The following SYTL3 variants were observed in gnomAD, a reference collection of about 807,000 sequenced individuals.
SYTL3 encodes synaptotagmin like 3.
A neutral mutation model predicts 82.1 loss-of-function variants in SYTL3; 88 were observed. That is an observed-to-expected ratio of 1.07 (90% CI 0.90 to 1.28). The LOEUF (loss-of-function observed/expected upper bound fraction) is 1.28, where lower values mean the gene tolerates loss of function less well. Ranked by LOEUF, SYTL3 falls within the 50% of genes most tolerant of loss-of-function variation. The probability of loss-of-function intolerance (pLI) is 0.00; values close to 1 mark genes in which losing one functional copy is unlikely to be tolerated. For synonymous variants in SYTL3, 311 were observed against 289.4 expected (o/e 1.07, Z -0.76); for missense variants, 831 against 757.6 (o/e 1.10, Z -1.14).
chr6:158,704,277 G>A (rs968918105), intron 6 of SYTL3, among the ~76,000 whole-genome samples: 31 of 152,264 alleles, frequency 2.0e-4, no homozygotes, highest in African/African-American at 7.5e-4. Flanking sequence ...GAATTGAGCA[G>A]CTGTGACGGG....
chr6:158,689,161 A>G (rs552338090), intron 6 of SYTL3, among the ~76,000 whole-genome samples: 30 of 152,372 alleles, frequency 2.0e-4, no homozygotes, highest in African/African-American at 7.0e-4. Context: ...AATGCAAAGA[A>G]TATCCTTGTA....
chr6:158,761,372 G>C (rs1789922482), intron 15 of SYTL3, among the ~76,000 whole-genome samples: 1 of 138,832 alleles, frequency 7.2e-6, no homozygotes, highest in Non-Finnish European at 1.5e-5. Context: ...GCCCGATCTT[G>C]GCTCACTGCA....
rs1642178136 is a variant in SYTL3 at position 158,748,701 on chromosome 6, C to T, written c.1034+3043C>T. 5.3e-5 allele frequency among the ~76,000 whole-genome samples: 8 copies of T among 151,256 alleles called. No individual in the cohort carries two copies. The South Asian group carries it at 1.7e-3, about 32-fold the overall frequency. On this transcript the variant is annotated intron_variant, in intron 12 of 17. Transcript: ENST00000611299. Reference sequence around the variant, plus strand: ...CTTTACTAAAAATACAAAAATTAGCCGGGCATGGTGGCAGGCACCTGTAAT... The same window carrying T: ...CTTTACTAAAAATACAAAAATTAGCTGGGCATGGTGGCAGGCACCTGTAAT...
chr6:158,733,958 C>A (rs752574038), intron 11 of SYTL3, among the ~76,000 whole-genome samples: 1 of 151,638 alleles, frequency 6.6e-6, no homozygotes, highest in Non-Finnish European at 1.5e-5. Context: ...ATTAGCCAGG[C>A]GTGATGGCGG....
intron 9 of SYTL3, among the ~76,000 whole-genome samples, chr6:158,715,046 C>T (rs1783195074): frequency 6.6e-6 from 1 of 152,176 alleles, no homozygotes; most frequent in Non-Finnish European, 1.5e-5. Context: ...CTGCTGGGCT[C>T]TCTGACAGTA....
At chr6:158,704,736 A>C (rs1781792573) in intron 6 of SYTL3, among the ~76,000 whole-genome samples, 2 of 152,402 alleles carry the variant, frequency 1.3e-5, no homozygotes, top group South Asian at 4.1e-4. Context: ...TGGTAGTGTG[A>C]TAGCCTCAGA....
upstream of SYTL3, among the ~76,000 whole-genome samples, chr6:158,647,594 T>C (rs957749914): frequency 2.0e-5 from 3 of 152,384 alleles, no homozygotes; most frequent in Admixed American, 6.5e-5. Flanking sequence ...TCTGCCCAAC[T>C]GATGTAGTCT....
intron 5 of SYTL3, among the ~76,000 whole-genome samples, chr6:158,682,017 A>G (rs1562370181): frequency 2.0e-5 from 3 of 152,148 alleles, no homozygotes; most frequent in Non-Finnish European, 2.9e-5. Context: ...GCTCACTGCA[A>G]CTTCCGTCTC....
intron 11 of SYTL3, among the ~76,000 whole-genome samples, chr6:158,734,094 CAAAAAAAA>C (rs560547617): frequency 1.3e-5 from 1 of 74,544 alleles, no homozygotes; most frequent in Non-Finnish European, 2.5e-5. Flanking sequence ...GACCCTGTCT[CAAAAAAAA>C]AAAAAAAAAA....
At chr6:158,666,165 AGTGCT>A (rs1790028662) in intron 5 of SYTL3, among the ~76,000 whole-genome samples, 1 of 152,214 alleles carries the variant, frequency 6.6e-6, no homozygotes, top group African/African-American at 2.4e-5. Flanking sequence ...CTCTTAACTA[AGTGCT>A]GTCATTTTCT....
intron 6 of SYTL3, among the ~76,000 whole-genome samples, chr6:158,694,239 C>G (rs1003794059): frequency 2.0e-5 from 3 of 151,982 alleles, no homozygotes; most frequent in Non-Finnish European, 4.4e-5. Context: ...AAATTTTTTG[C>G]TTTCTCCCTG....
rs1451095160 is a variant in SYTL3 at position 158,740,515 on chromosome 6, GT to G, written c.856-4960del. On this transcript the variant is annotated intron_variant, in intron 11 of 17. Coordinates refer to ENST00000611299, the MANE Select transcript of SYTL3 (RefSeq NM_001242394.2). ...TTTTATTGTGCATTTTTTCCTCTTT[GT>G]TTTTGGTCACTTACTCTTGGATCTT... Among the ~76,000 whole-genome samples, 7 of 151,892 alleles carry G rather than the reference GT, an allele frequency of 4.6e-5. No individual in the cohort carries two copies. The South Asian group carries it at 6.2e-4, about 14-fold the overall frequency.
At chr6:158,710,023 C>T (rs749189497) in intron 8 of SYTL3, among the ~76,000 whole-genome samples, 5 of 152,102 alleles carry the variant, frequency 3.3e-5, no homozygotes, top group South Asian at 2.1e-4. Context: ...CAACAGAGCG[C>T]GACTGTCTCT....
intron 5 of SYTL3, among the ~76,000 whole-genome samples, chr6:158,667,178 G>A (rs1001934048): frequency 6.6e-6 from 1 of 152,106 alleles, no homozygotes; most frequent in Non-Finnish European, 1.5e-5. Context: ...AACTGTAAAC[G>A]AAAAATCAAA....
rs1333738712 is a variant in SYTL3, at chr6:158,738,108, G to A, written c.856-7372G>A. On this transcript the variant is annotated intron_variant, in intron 11 of 17. Transcript: ENST00000611299. ...ACACCAACAGCTGCACACCCAAGGA[G>A]CAAAGTGCATGGCAGGGCAGCCCTA... Among the ~76,000 whole-genome samples the A allele has an allele frequency of 3.3e-5, 5 of 152,186 alleles. No individual in the cohort carries two copies. In the East Asian group the frequency reaches 7.7e-4, roughly 23 times the overall value.
rs1789270654 is a variant in SYTL3 at position 158,757,385 on chromosome 6, A to G, written c.1308+4A>G. The G allele has an allele frequency of 6.2e-7, 1 of 1,613,720 alleles. No individual in the cohort carries two copies. ...CTGGCATCCGCTCCGGGCCAAGGTGATGTCTGGTTTTGGACTGAGTGCCCT... is the reference window on the plus strand; with the variant it reads ...CTGGCATCCGCTCCGGGCCAAGGTGGTGTCTGGTTTTGGACTGAGTGCCCT... On this transcript the variant is annotated splice_donor_region_variant and intron_variant, in intron 14 of 17. Coordinates refer to ENST00000611299, the MANE Select transcript of SYTL3 (RefSeq NM_001242394.2).
At chr6:158,729,660 T>C (rs1007924091) in intron 11 of SYTL3, among the ~76,000 whole-genome samples, 2 of 151,040 alleles carry the variant, frequency 1.3e-5, no homozygotes, top group Non-Finnish European at 3.0e-5. Flanking sequence ...TCCGCCTCTC[T>C]GGTTCACGCC....
intron 8 of SYTL3, among the ~76,000 whole-genome samples, chr6:158,712,982 G>T (rs112857361): frequency 6.6e-6 from 1 of 151,812 alleles, no homozygotes; most frequent in South Asian, 2.1e-4. Flanking sequence ...GGATGGTCTC[G>T]ATCTCCTGAC....
At chr6:158,691,278 C>T (rs531493415) in intron 6 of SYTL3, among the ~76,000 whole-genome samples, 30 of 151,462 alleles carry the variant, frequency 2.0e-4, no homozygotes, top group Middle Eastern at 3.4e-3. Context: ...ACCTGGGAGG[C>T]GGAGGTTGCA....
Sources: allele counts gnomAD v4.1 joint callset (sites outside exome capture counted in the v4.1 genomes callset), GRCh38; gene constraint gnomAD v4.1.1; transcripts MANE v1.5; gene names NCBI Gene and HGNC (gene_info 2026-07-23, HGNC 2026-07-21).